GRIA1: variants seen among roughly 807,000 people sequenced by gnomAD.
GRIA1 encodes the protein glutamate ionotropic receptor AMPA type subunit 1.
A neutral mutation model predicts 99.2 loss-of-function variants in GRIA1; 31 were observed. The observed-to-expected ratio is 0.31, with a 90% CI of 0.23 to 0.42. The LOEUF (loss-of-function observed/expected upper bound fraction) is 0.42, where lower values mean the gene tolerates loss of function less well. Ranked by LOEUF, GRIA1 falls within the 10% of genes least tolerant of loss-of-function variation. The pLI is 1.00. For missense variants in GRIA1, 782 were observed against 1,157.5 expected (o/e 0.68, Z 4.71); for synonymous variants, 438 against 432.4 (o/e 1.01, Z -0.16).
At chr5:153,792,794 CAGAG>C (rs372379523) in intron 13 of GRIA1, among the ~76,000 whole-genome samples, 1 of 151,046 alleles carries the variant, frequency 6.6e-6, no homozygotes, top group Non-Finnish European at 1.5e-5. Flanking sequence ...GAGAGAAAGA[CAGAG>C]AGAGAGAGAG....
intron 11 of GRIA1, among the ~76,000 whole-genome samples, chr5:153,752,708 T>C (rs932113790): frequency 9.9e-5 from 15 of 152,158 alleles, no homozygotes; most frequent in African/African-American, 3.6e-4. Context: ...GCAAAGTAAA[T>C]GAATAAATAG....
intron 8 of GRIA1, among the ~76,000 whole-genome samples, chr5:153,687,143 T>C (rs920250237): frequency 3.3e-5 from 5 of 152,188 alleles, no homozygotes; most frequent in African/African-American, 1.2e-4. Context: ...TTATGCTTCA[T>C]GGAAGCCTCT....
chr5:153,556,323 G>C (rs2149347217), intron 2 of GRIA1, among the ~76,000 whole-genome samples: 1 of 152,212 alleles, frequency 6.6e-6, no homozygotes, highest in South Asian at 2.1e-4. Context: ...ATCAGTTGGT[G>C]CCTCAAAAGG....
chr5:153,506,316 GGTGTGTGTGTGTGTGTGTGTGT>G (rs61220170), intron 2 of GRIA1, among the ~76,000 whole-genome samples: 10 of 140,326 alleles, frequency 7.1e-5, no homozygotes, highest in Admixed American at 4.2e-4. Flanking sequence ...TGGCAAGAAG[GGTGTGTGTGTGTGTGTGTGTGT>G]GTGTGTGTGT....
At chr5:153,568,485 T>C (rs956790518) in intron 2 of GRIA1, among the ~76,000 whole-genome samples, 2 of 151,976 alleles carry the variant, frequency 1.3e-5, no homozygotes, top group African/African-American at 4.8e-5. Context: ...AACAGTCGAG[T>C]GATTCAAATG....
At chr5:153,524,853 T>C (rs1757461617) in intron 2 of GRIA1, among the ~76,000 whole-genome samples, 1 of 152,166 alleles carries the variant, frequency 6.6e-6, no homozygotes, top group Non-Finnish European at 1.5e-5. Context: ...ATCCTACAGG[T>C]CTCTGTAGGA....
chr5:153,554,683 G>A (rs937316371), intron 2 of GRIA1, among the ~76,000 whole-genome samples: 10 of 152,020 alleles, frequency 6.6e-5, no homozygotes, highest in African/African-American at 2.2e-4. Flanking sequence ...TAGTAGAGAC[G>A]GGGTTCCCCC....
At position 153,773,883 on chromosome 5, in the gene GRIA1, G is replaced by A. The variant is rs147390248; in HGVS notation, c.2270+3468G>A. Among the ~76,000 whole-genome samples the A allele has an allele frequency of 6.1e-3, 921 of 152,150 alleles. 9 individuals carry two copies. Among genetic ancestry groups the A allele is most frequent in the African/African-American group, 0.021 (874 of 41,514 alleles). ...ATTCAAAAACAAAAGAGTAACGCTC[G>A]TCTTAAAAGGGCCTCAGGTGTCTGG... On this transcript the variant is annotated intron_variant, in intron 13 of 15. Coordinates refer to ENST00000285900, the MANE Select transcript of GRIA1 (RefSeq NM_000827.4).
At chr5:153,621,921 T>C (rs565622205) in intron 2 of GRIA1, among the ~76,000 whole-genome samples, 4 of 152,316 alleles carry the variant, frequency 2.6e-5, no homozygotes, top group Admixed American at 2.6e-4. Context: ...TTCTTGACTT[T>C]AATGAGAATT....
intron 2 of GRIA1, among the ~76,000 whole-genome samples, chr5:153,526,206 G>A (rs1052307345): frequency 2.6e-5 from 4 of 152,176 alleles, no homozygotes; most frequent in Non-Finnish European, 4.4e-5. Flanking sequence ...TCTGTAAAAT[G>A]TACCGCAGTT....
Position 153,698,074 on chromosome 5 carries a change from G to C in GRIA1, c.1165G>C (p.Val389Leu). 1 of 1,609,118 alleles carries C rather than the reference G, an allele frequency of 6.2e-7. No homozygotes were observed. Among genetic ancestry groups the C allele is most frequent in the Non-Finnish European group, 8.5e-7 (1 of 1,175,526 alleles). ...IGYWNEDDKF[V>L]PAATDAQAGG... ...TTACTGGAATGAAGATGATAAGTTT[G>C]TCCCTGCAGCCACCGATGCCCAAGC... The change falls in exon 9 of 16, where the codon GTC becomes CTC. Residue 389 changes from valine to leucine, a missense_variant. Val to Leu is a conservative substitution (Grantham distance 32, BLOSUM62 1). Coordinates refer to ENST00000285900, the MANE Select transcript of GRIA1 (RefSeq NM_000827.4).
chr5:153,776,348 C>G (rs1176976377), intron 13 of GRIA1, among the ~76,000 whole-genome samples: 3 of 152,122 alleles, frequency 2.0e-5, no homozygotes, highest in African/African-American at 7.2e-5. Context: ...GTGCCCCTGC[C>G]TAAGGCTTGA....
intron 13 of GRIA1, among the ~76,000 whole-genome samples, chr5:153,791,478 G>T (rs1398233452): frequency 1.3e-5 from 2 of 152,004 alleles, no homozygotes; most frequent in African/African-American, 4.8e-5. Flanking sequence ...GGACTGAGTA[G>T]TGGGGGGTGG....
intron 11 of GRIA1, among the ~76,000 whole-genome samples, chr5:153,728,256 G>A (rs1396643657): frequency 6.6e-6 from 1 of 151,700 alleles, no homozygotes; most frequent in African/African-American, 2.4e-5. Flanking sequence ...AGACTTAAAC[G>A]TTAGACCTAA....
At chr5:153,498,258 T>A (rs1754635008) in intron 2 of GRIA1, among the ~76,000 whole-genome samples, 1 of 152,208 alleles carries the variant, frequency 6.6e-6, no homozygotes, top group Non-Finnish European at 1.5e-5. Flanking sequence ...TCTTCCCATT[T>A]TCTTTACCTG....
At chr5:153,698,279 G>A (rs1758260248) in intron 9 of GRIA1, 125 bp downstream of exon 9, 1 of 523,816 alleles carries the variant, frequency 1.9e-6, no homozygotes, top group African/African-American at 1.9e-5. Context: ...AAAGCAGCAA[G>A]TCGAAAAGGG....
chr5:153,787,870 G>A (rs1158516850), intron 13 of GRIA1, among the ~76,000 whole-genome samples: 3 of 152,062 alleles, frequency 2.0e-5, no homozygotes, highest in Non-Finnish European at 4.4e-5. Context: ...CACGAGATCA[G>A]GAGATCAAGA....
chr5:153,536,428 A>T (rs907998349), intron 2 of GRIA1, among the ~76,000 whole-genome samples: 1 of 152,118 alleles, frequency 6.6e-6, no homozygotes, highest in Non-Finnish European at 1.5e-5. Flanking sequence ...ATTTGTATGC[A>T]TGACTGTTAG....
At chr5:153,537,090 C>T (rs1389285) in intron 2 of GRIA1, among the ~76,000 whole-genome samples, 395 of 152,270 alleles carry the variant, frequency 2.6e-3, no homozygotes, top group Admixed American at 4.8e-3. Context: ...TAAAAGCAAT[C>T]GGACATCTTG....
Sources: allele counts gnomAD v4.1 joint callset (sites outside exome capture counted in the v4.1 genomes callset), GRCh38; gene constraint gnomAD v4.1.1; transcripts MANE v1.5; gene names NCBI Gene and HGNC (gene_info 2026-07-23, HGNC 2026-07-21).